The following PPP3CA variants were observed in gnomAD, a reference collection of about 807,000 sequenced individuals.
PPP3CA encodes the protein CAM-PRP catalytic subunit.
Under a neutral mutation model 66.5 loss-of-function variants are expected in PPP3CA, and 14 were observed. The ratio of observed to expected loss-of-function variants is 0.21; its 90% CI spans 0.14 to 0.33. PPP3CA has a LOEUF of 0.33. PPP3CA is among the 10% of genes least tolerant of loss of function. The pLI, the probability that PPP3CA is intolerant of heterozygous loss-of-function variation, is 1.00. For missense variants in PPP3CA, 317 were observed against 639.5 expected (o/e 0.50, Z 5.44); for synonymous variants, 232 against 226.2 (o/e 1.03, Z -0.23).
chr4:101,085,848 A>G (rs1729644947), intron 6 of PPP3CA, among the ~76,000 whole-genome samples: 1 of 147,086 alleles, frequency 6.8e-6, no homozygotes, highest in Non-Finnish European at 1.5e-5. Flanking sequence ...ACACACACAC[A>G]CACACACACA....
intron 1 of PPP3CA, among the ~76,000 whole-genome samples, chr4:101,236,634 G>A (rs937010838): frequency 3.3e-5 from 5 of 151,892 alleles, no homozygotes; most frequent in African/African-American, 9.7e-5. Flanking sequence ...TCTATAGAAG[G>A]CAGGGAAGCA....
intron 2 of PPP3CA, among the ~76,000 whole-genome samples, chr4:101,143,374 T>C (rs1443217856): frequency 6.6e-6 from 1 of 152,214 alleles, no homozygotes; most frequent in Non-Finnish European, 1.5e-5. Context: ...ATGTCTTCCA[T>C]GGTCATAAAG....
At chr4:101,147,019 AGG>A (rs1477069499) in intron 2 of PPP3CA, among the ~76,000 whole-genome samples, 1 of 152,204 alleles carries the variant, frequency 6.6e-6, no homozygotes, top group Non-Finnish European at 1.5e-5. Context: ...CCTCTGAGAT[AGG>A]TACTGTTTTT....
intron 1 of PPP3CA, among the ~76,000 whole-genome samples, chr4:101,281,812 C>T (rs1727693194): frequency 6.6e-6 from 1 of 152,170 alleles, no homozygotes; most frequent in Non-Finnish European, 1.5e-5. Context: ...AAAGCATCCT[C>T]CCTAAATTAA....
intron 1 of PPP3CA, among the ~76,000 whole-genome samples, chr4:101,210,072 T>TA (rs1221160325): frequency 1.3e-5 from 2 of 152,168 alleles, no homozygotes; most frequent in Non-Finnish European, 2.9e-5. Flanking sequence ...CATAATTTAA[T>TA]AGATTCTCAA....
chr4:101,135,458 T>C (rs1722593145), intron 2 of PPP3CA, among the ~76,000 whole-genome samples: 1 of 152,162 alleles, frequency 6.6e-6, no homozygotes, highest in African/African-American at 2.4e-5. Context: ...ATTCTGGGTC[T>C]TGAAACACTG....
intron 2 of PPP3CA, among the ~76,000 whole-genome samples, chr4:101,121,164 G>A (rs1722014956): frequency 6.6e-6 from 1 of 152,054 alleles, no homozygotes; most frequent in African/African-American, 2.4e-5. Context: ...TACTAGAATT[G>A]CTAAAAAGAT....
intron 6 of PPP3CA, among the ~76,000 whole-genome samples, chr4:101,093,139 C>A (rs1578439151): frequency 6.6e-6 from 1 of 152,114 alleles, no homozygotes. Context: ...TTTTAATGAT[C>A]GCCATTCTAA....
At chr4:101,227,905 C>A (rs982136668) in intron 1 of PPP3CA, among the ~76,000 whole-genome samples, 11 of 151,650 alleles carry the variant, frequency 7.3e-5, no homozygotes, top group Non-Finnish European at 1.5e-5. Context: ...ATGTCTCATT[C>A]TTTTTTCCTG....
intron 6 of PPP3CA, among the ~76,000 whole-genome samples, chr4:101,083,610 T>G (rs983975219): frequency 6.6e-6 from 1 of 152,222 alleles, no homozygotes; most frequent in African/African-American, 2.4e-5. Flanking sequence ...AGATAATGAA[T>G]TTAAAATATA....
intron 1 of PPP3CA, among the ~76,000 whole-genome samples, chr4:101,262,033 T>C (rs1489335299): frequency 6.6e-6 from 1 of 152,086 alleles, no homozygotes; most frequent in Admixed American, 6.6e-5. Flanking sequence ...CATTCAATGA[T>C]TTTTCTAAGA....
intron 2 of PPP3CA, among the ~76,000 whole-genome samples, chr4:101,191,858 G>A (rs1186490438): frequency 1.3e-5 from 2 of 152,144 alleles, no homozygotes; most frequent in East Asian, 1.9e-4. Context: ...CATGCTAAAT[G>A]GCAGGCCCCG....
chr4:101,031,305 C>T (rs1252422210), intron 12 of PPP3CA, among the ~76,000 whole-genome samples: 1 of 152,040 alleles, frequency 6.6e-6, no homozygotes, highest in Non-Finnish European at 1.5e-5. Flanking sequence ...GGAAAATAAG[C>T]AAGAGGCCGA....
At chr4:101,258,489 C>T (rs887638186) in intron 1 of PPP3CA, among the ~76,000 whole-genome samples, 1 of 152,144 alleles carries the variant, frequency 6.6e-6, no homozygotes, top group Non-Finnish European at 1.5e-5. Flanking sequence ...AACTTTCCAA[C>T]TGGAAACAGT....
intron 10 of PPP3CA, among the ~76,000 whole-genome samples, chr4:101,054,079 T>C (rs1031994845): frequency 3.9e-5 from 6 of 152,068 alleles, no homozygotes; most frequent in African/African-American, 1.4e-4. Context: ...TTATCACCAC[T>C]GTGTTCCTCA....
intron 10 of PPP3CA, among the ~76,000 whole-genome samples, chr4:101,042,808 T>C (rs945739442): frequency 5.3e-5 from 7 of 133,208 alleles, no homozygotes; most frequent in African/African-American, 8.2e-5. Flanking sequence ...TTTTTCTTTT[T>C]TTTTTTTTTT....
At chr4:101,091,821 C>CTAATAATAATAA (rs34522517) in intron 6 of PPP3CA, among the ~76,000 whole-genome samples, 24 of 138,830 alleles carry the variant, frequency 1.7e-4, no homozygotes, top group Admixed American at 2.9e-4. Flanking sequence ...TCTTCAGTAT[C>CTAATAATAATAA]TAATAATAAT....
At chr4:101,229,816 G>A (rs1484929738) in intron 1 of PPP3CA, among the ~76,000 whole-genome samples, 4 of 151,568 alleles carry the variant, frequency 2.6e-5, no homozygotes, top group South Asian at 2.1e-4. Context: ...AAATCAAAAG[G>A]TAGACAGTGC....
chr4:101,162,226 C>A (rs1044578022), intron 2 of PPP3CA, among the ~76,000 whole-genome samples: 1 of 151,860 alleles, frequency 6.6e-6, no homozygotes, highest in African/African-American at 2.4e-5. Flanking sequence ...GGAGACAGAG[C>A]AAGACTCTGG....
Sources: allele counts gnomAD v4.1 joint callset (sites outside exome capture counted in the v4.1 genomes callset), GRCh38; gene constraint gnomAD v4.1.1; transcripts MANE v1.5; gene names NCBI Gene and HGNC (gene_info 2026-07-23, HGNC 2026-07-21).